Variants in DLG2 observed in about 807,000 individuals in gnomAD.
The protein encoded by DLG2 is disks large homolog 2.
Under a neutral mutation model 132.5 loss-of-function variants are expected in DLG2, and 45 were observed. The observed-to-expected ratio is 0.34, with a 90% confidence interval of 0.27 to 0.44. DLG2 has a LOEUF of 0.44. Ranked by LOEUF, DLG2 falls within the 20% of genes least tolerant of loss-of-function variation. The pLI, the probability that DLG2 is intolerant of heterozygous loss-of-function variation, is 1.00. For synonymous variants in DLG2, 424 were observed against 419.6 expected, an observed-to-expected ratio of 1.01 and a Z score of -0.13; for missense variants, 1,045 against 1,196.9, an observed-to-expected ratio of 0.87 and a Z score of 1.87.
In DLG2 at chr11:84,209,222, G is replaced by C. The variant is rs1378410217; in HGVS notation, c.573+42016C>G. Reference sequence around the variant, plus strand: ...TTTTAAACACTCATAAAACTAGTCTGATCATTAAAGTAAAAACATTAGATA... The same window carrying C: ...TTTTAAACACTCATAAAACTAGTCTCATCATTAAAGTAAAAACATTAGATA... On this transcript the variant is annotated intron_variant, in intron 8 of 27. Transcript: ENST00000376104. Among the ~76,000 whole-genome samples, 5 of 152,126 alleles carry C rather than the reference G, an allele frequency of 3.3e-5. No homozygotes were observed. In the East Asian group the frequency reaches 7.7e-4, roughly 23 times the overall value.
chr11:84,888,798 C>A (rs2088804254), intron 6 of DLG2, among the ~76,000 whole-genome samples: 1 of 152,126 alleles, frequency 6.6e-6, no homozygotes, highest in Non-Finnish European at 1.5e-5. Flanking sequence ...TTGGCTGGTT[C>A]TGCTATCATC....
chr11:85,373,230 AT>A (rs2085131735), intron 3 of DLG2, among the ~76,000 whole-genome samples: 1 of 152,034 alleles, frequency 6.6e-6, no homozygotes, highest in African/African-American at 2.4e-5. Context: ...AGGCCTTGGA[AT>A]TTTTGAGCTG....
At chr11:83,986,788 G>A (rs1478841453) in intron 11 of DLG2, among the ~76,000 whole-genome samples, 3 of 152,014 alleles carry the variant, frequency 2.0e-5, no homozygotes, top group Non-Finnish European at 2.9e-5. Context: ...TGTGGTTTTT[G>A]TTTGCATTTC....
chr11:83,506,068 C>G (rs963355326), intron 21 of DLG2, among the ~76,000 whole-genome samples: 1 of 152,092 alleles, frequency 6.6e-6, no homozygotes, highest in Non-Finnish European at 1.5e-5. Context: ...TGTGCACGGC[C>G]CACTCTATGG....
intron 6 of DLG2, among the ~76,000 whole-genome samples, chr11:84,660,254 C>A (rs1190117117): frequency 5.3e-5 from 8 of 152,088 alleles, no homozygotes; most frequent in Non-Finnish European, 7.4e-5. Context: ...AAGATTACCT[C>A]CCAGGAACTG....
chr11:85,478,626 G>C (rs2093209725), intron 3 of DLG2, among the ~76,000 whole-genome samples: 1 of 152,136 alleles, frequency 6.6e-6, no homozygotes, highest in South Asian at 2.1e-4. Context: ...GGCTGAGTTT[G>C]CTTATTTGTA....
chr11:85,526,566 T>A (rs2074766068), intron 3 of DLG2, among the ~76,000 whole-genome samples: 4 of 152,216 alleles, frequency 2.6e-5, no homozygotes. Context: ...ACACCATATG[T>A]AAATCTGGAG....
intron 20 of DLG2, among the ~76,000 whole-genome samples, chr11:83,533,304 T>C (rs1324418480): frequency 6.6e-6 from 1 of 152,212 alleles, no homozygotes; most frequent in Admixed American, 6.5e-5. Context: ...TGCAGATTCA[T>C]TGTTTTCCTG....
At chr11:85,562,255 A>G (rs1195958670) in intron 3 of DLG2, among the ~76,000 whole-genome samples, 1 of 151,808 alleles carries the variant, frequency 6.6e-6, no homozygotes, top group East Asian at 1.9e-4. Flanking sequence ...TATATTACTT[A>G]GAACTACTTT....
intron 6 of DLG2, among the ~76,000 whole-genome samples, chr11:84,795,838 G>A (rs921707100): frequency 2.0e-5 from 3 of 152,236 alleles, no homozygotes; most frequent in Middle Eastern, 3.4e-3. Flanking sequence ...GGTGCCCACC[G>A]TGAAAGCCAC....
At chr11:84,933,655 C>G (rs1427283572) in intron 6 of DLG2, among the ~76,000 whole-genome samples, 1 of 152,058 alleles carries the variant, frequency 6.6e-6, no homozygotes, top group African/African-American at 2.4e-5. Flanking sequence ...TGATTCGGCT[C>G]TCAGCTTGAT....
chr11:84,165,001 GACAC>G (rs149814062), intron 8 of DLG2, among the ~76,000 whole-genome samples: 1 of 151,680 alleles, frequency 6.6e-6, no homozygotes, highest in African/African-American at 2.4e-5. Context: ...AAAACACACA[GACAC>G]ACACACACAC....
At chr11:84,384,946 G>A (rs2098763293) in intron 7 of DLG2, among the ~76,000 whole-genome samples, 1 of 152,118 alleles carries the variant, frequency 6.6e-6, no homozygotes, top group Admixed American at 6.6e-5. Context: ...GTTTCCATGT[G>A]CCAGGTGCAG....
intron 21 of DLG2, among the ~76,000 whole-genome samples, chr11:83,525,089 C>T (rs1045764039): frequency 5.3e-5 from 8 of 152,142 alleles, no homozygotes; most frequent in South Asian, 2.1e-4. Flanking sequence ...ATAGCAGTTT[C>T]GTCATCAGCA....
At chr11:83,672,208 T>C (rs772074796) in intron 18 of DLG2, among the ~76,000 whole-genome samples, 10 of 152,110 alleles carry the variant, frequency 6.6e-5, no homozygotes, top group Middle Eastern at 3.4e-3. Flanking sequence ...TTCTTTTTGA[T>C]GGAATTTCGC....
chr11:83,891,026 T>C (rs900097204), intron 15 of DLG2, among the ~76,000 whole-genome samples: 10 of 152,100 alleles, frequency 6.6e-5, no homozygotes, highest in African/African-American at 2.2e-4. Flanking sequence ...ATCTGATTAG[T>C]TTGAGGGAAT....
In DLG2 at chr11:83,714,655, C is replaced by T. The variant is rs149917151; in HGVS notation, c.1825+72035G>A. Reference sequence around the variant, plus strand: ...CTAAAGCTGCTGGATACAGTAAGCTCCACAGTAACAGCTATCATTACAGGA... The same window carrying T: ...CTAAAGCTGCTGGATACAGTAAGCTTCACAGTAACAGCTATCATTACAGGA... On this transcript the variant is annotated intron_variant, in intron 18 of 27. Coordinates refer to ENST00000376104, the MANE Select transcript of DLG2 (RefSeq NM_001142699.3). Among the ~76,000 whole-genome samples, 137 of 152,310 alleles carry T rather than the reference C, an allele frequency of 9.0e-4. 1 individual carries two copies. The highest frequency in any genetic ancestry group is 8.9e-3 in the South Asian group (43 of 4,826).
chr11:84,312,995 A>C (rs1297665290), intron 7 of DLG2, among the ~76,000 whole-genome samples: 2 of 151,654 alleles, frequency 1.3e-5, no homozygotes, highest in East Asian at 3.9e-4. Flanking sequence ...TATTTTTAGT[A>C]GAGACGGGGC....
intron 9 of DLG2, among the ~76,000 whole-genome samples, chr11:84,111,293 TC>T (rs529962889): frequency 7.2e-4 from 110 of 152,324 alleles, no homozygotes; most frequent in Middle Eastern, 3.4e-3. Context: ...AATATCAAAC[TC>T]CACCTCAACT....
Sources: allele counts gnomAD v4.1 joint callset (sites outside exome capture counted in the v4.1 genomes callset), GRCh38; gene constraint gnomAD v4.1.1; transcripts MANE v1.5; gene names NCBI Gene and HGNC (gene_info 2026-07-23, HGNC 2026-07-21).